The following APOL3 variants were observed in gnomAD, a reference collection of about 807,000 sequenced individuals.
APOL3 encodes the protein TNF-inducible protein CG12-1.
Under a neutral mutation model 11.6 loss-of-function variants are expected in APOL3, and 14 were observed. The observed-to-expected ratio is 1.21, with a 90% confidence interval of 0.80 to 1.89. APOL3 has a LOEUF of 1.89. APOL3 is among the 40% of genes most tolerant of loss of function. The probability of loss-of-function intolerance (pLI) is 0.00; values close to 1 mark genes in which losing one functional copy is unlikely to be tolerated. For synonymous variants in APOL3, 192 were observed against 190.6 expected (o/e 1.01, Z -0.06); for missense variants, 483 against 492.1 (o/e 0.98, Z 0.17).
chr22:36,153,636 G>T (rs552470778), intron 1 of APOL3, among the ~76,000 whole-genome samples: 96 of 152,300 alleles, frequency 6.3e-4, no homozygotes, highest in African/African-American at 2.3e-3. Context: ...AAGCAAGGAC[G>T]CTTCCAAAGA....
chr22:36,162,382 C>A (rs534123051), upstream of APOL3, among the ~76,000 whole-genome samples: 6 of 152,326 alleles, frequency 3.9e-5, no homozygotes, highest in South Asian at 1.2e-3. Flanking sequence ...ACCCCAAGTT[C>A]ATTATACCAT....
chr22:36,148,619 C>T (rs982806231), intron 1 of APOL3, among the ~76,000 whole-genome samples: 8 of 152,190 alleles, frequency 5.3e-5, no homozygotes, highest in Admixed American at 2.6e-4. Flanking sequence ...AGGGAGGGGA[C>T]TGGCCTGTGC....
chr22:36,157,036 A>T (rs754167666), intron 1 of APOL3: 6 of 455,618 alleles, frequency 1.3e-5, no homozygotes, highest in Non-Finnish European at 2.6e-5. Flanking sequence ...TAAGACCATG[A>T]CTCTGATTTC....
upstream of APOL3, chr22:36,164,630 C>T (rs147408739): frequency 3.9e-5 from 6 of 152,306 alleles, no homozygotes; most frequent in East Asian, 1.2e-3. Flanking sequence ...ATTCATTTCC[C>T]AAGCCCCCCA....
At chr22:36,154,525 T>C in intron 1 of APOL3, 1 of 441,538 alleles carries the variant, frequency 2.3e-6, no homozygotes, top group South Asian at 1.7e-5. Flanking sequence ...ATATTTTTCC[T>C]TCTATTTATT....
intron 1 of APOL3, chr22:36,159,265 A>T (rs997134574): frequency 6.6e-6 from 1 of 152,032 alleles, no homozygotes; most frequent in Non-Finnish European, 1.5e-5. Flanking sequence ...CTCACCCCAG[A>T]TGGGGTCAGC....
intron 2 of APOL3, among the ~76,000 whole-genome samples, chr22:36,143,538 C>T (rs1017424184): frequency 3.9e-5 from 6 of 152,316 alleles, no homozygotes; most frequent in South Asian, 4.1e-4. Flanking sequence ...CAAATAAAAC[C>T]TCAGACTGGA....
chr22:36,144,081 G>C (rs2060098765), intron 2 of APOL3, among the ~76,000 whole-genome samples: 1 of 152,082 alleles, frequency 6.6e-6, no homozygotes. Flanking sequence ...GAATGCCCCA[G>C]TTCCCAGGCA....
intron 1 of APOL3, among the ~76,000 whole-genome samples, chr22:36,159,996 C>T (rs1221077697): frequency 5.3e-5 from 8 of 152,252 alleles, no homozygotes; most frequent in Non-Finnish European, 1.0e-4. Flanking sequence ...ATTCTCATGC[C>T]TCAGCCTCCC....
intron 1 of APOL3, 134 bp downstream of exon 1, chr22:36,160,535 G>T: frequency 1.1e-6 from 1 of 911,956 alleles, no homozygotes; most frequent in Non-Finnish European, 1.7e-6. Context: ...TTCAGGCTCT[G>T]CCATGGACCG....
chr22:36,140,585 G>A (rs948886699), exon 3 of APOL3: 2 of 152,534 alleles, frequency 1.3e-5, no homozygotes, highest in Non-Finnish European at 2.9e-5. Flanking sequence ...GGTTCAAGCA[G>A]GGGACATATA....
At chr22:36,157,363 G>A (rs2013071288) in intron 1 of APOL3, among the ~76,000 whole-genome samples, 1 of 152,146 alleles carries the variant, frequency 6.6e-6, no homozygotes, top group South Asian at 2.1e-4. Context: ...ACACAAAAAA[G>A]TCTTGTTCTT....
At chr22:36,152,885 G>T (rs2012019415) in intron 1 of APOL3, among the ~76,000 whole-genome samples, 1 of 152,162 alleles carries the variant, frequency 6.6e-6, no homozygotes, top group Admixed American at 6.5e-5. Context: ...GAGGTGGGTG[G>T]ATCACCTGAG....
At chr22:36,156,869 A>G in intron 1 of APOL3, 1 of 447,730 alleles carries the variant, frequency 2.2e-6, no homozygotes, top group Non-Finnish European at 4.5e-6. Flanking sequence ...CCTCCGTGGC[A>G]CAGCCTGGCT....
chr22:36,147,673 G>C (rs132638), intron 1 of APOL3, among the ~76,000 whole-genome samples: 85,309 of 152,048 alleles, frequency 0.56, 27,964 homozygotes, highest in East Asian at 0.93. Context: ...ACTTGGGTGA[G>C]GGGTATTTTG....
rs1312228074 is a variant in APOL3 at position 36,145,009 on chromosome 22, CA to C, written c.350+463del. 9.2e-3 allele frequency among the ~76,000 whole-genome samples: 348 copies of C among 37,942 alleles called. 7 individuals carry two copies. The highest frequency in any genetic ancestry group is 0.016 in the African/African-American group (290 of 17,680). 24.9% of individuals were successfully genotyped at this position (37,942 alleles called of 152,430 possible). A position where few individuals can be genotyped will look rare whatever the true frequency, so the allele number is the denominator to read the frequency against. On this transcript the variant is annotated intron_variant, in intron 2 of 2. Coordinates refer to ENST00000349314, the Ensembl canonical transcript of APOL3. ...CTGGGGGACAAGCAAGACTCTGTCT[CA>C]AAAAAAAAAAAAAAAGAAAAAAAAA...
At chr22:36,157,609 T>C (rs878947281) in intron 1 of APOL3, among the ~76,000 whole-genome samples, 1 of 152,190 alleles carries the variant, frequency 6.6e-6, no homozygotes. Flanking sequence ...TTTTACCTCT[T>C]ACAAATTAAA....
At chr22:36,142,685 G>A (rs1224554313) in intron 2 of APOL3, among the ~76,000 whole-genome samples, 1 of 152,158 alleles carries the variant, frequency 6.6e-6, no homozygotes, top group Admixed American at 6.5e-5. Flanking sequence ...TCAGGGAGGG[G>A]CTGGGGACTC....
At chr22:36,150,217 G>A (rs1229700982) in intron 1 of APOL3, among the ~76,000 whole-genome samples, 1 of 152,118 alleles carries the variant, frequency 6.6e-6, no homozygotes, top group Non-Finnish European at 1.5e-5. Flanking sequence ...ATTATGTTTA[G>A]GCATTGTTCT....
Sources: allele counts gnomAD v4.1 joint callset (sites outside exome capture counted in the v4.1 genomes callset), GRCh38; gene constraint gnomAD v4.1.1; transcripts MANE v1.5; gene names NCBI Gene and HGNC (gene_info 2026-07-23, HGNC 2026-07-21).